The following PHLDB2 variants were observed in gnomAD, a reference collection of about 807,000 sequenced individuals.
PHLDB2 encodes the protein pleckstrin homology like domain family B member 2.
In PHLDB2, 71 loss-of-function variants were observed where a neutral mutation model predicts 123.6. That is an observed-to-expected ratio of 0.57 (90% CI 0.47 to 0.70). The LOEUF is 0.70. Ranked by LOEUF, PHLDB2 falls within the 30% of genes least tolerant of loss-of-function variation. The pLI, the probability that PHLDB2 is intolerant of heterozygous loss-of-function variation, is 0.00. For synonymous variants in PHLDB2, 547 were observed against 541.6 expected (o/e 1.01, Z -0.14); for missense variants, 1,446 against 1,519.5 (o/e 0.95, Z 0.80).
chr3:111,966,469 C>T (rs2071762794), intron 13 of PHLDB2, 144 bp from the exon 14 acceptor site: 3 of 468,346 alleles, frequency 6.4e-6, no homozygotes, highest in Non-Finnish European at 7.6e-6. Context: ...ATTATATATG[C>T]TTGGATTTTG....
At chr3:111,851,216 A>AG (rs2064240496) in intron 2 of PHLDB2, among the ~76,000 whole-genome samples, 1 of 127,136 alleles carries the variant, frequency 7.9e-6, no homozygotes, top group African/African-American at 2.7e-5. Flanking sequence ...AAAAAAAAAA[A>AG]GGTTTTTACT....
intron 1 of PHLDB2, chr3:111,732,736 T>G: frequency 2.7e-6 from 4 of 1,502,218 alleles, no homozygotes; most frequent in Non-Finnish European, 3.6e-6. Context: ...GGCCCTTCTC[T>G]TGTAATAACA....
In PHLDB2 at chr3:111,844,848, G is replaced by C. The variant is rs575384509; in HGVS notation, c.-48-973G>C. Among the ~76,000 whole-genome samples, 4 of 152,292 alleles carry C rather than the reference G, an allele frequency of 2.6e-5. No individual in the cohort carries two copies. In the South Asian group the frequency reaches 8.3e-4, roughly 32 times the overall value. On this transcript the variant is annotated intron_variant, in intron 1 of 17. Transcript: ENST00000393923. ...AAAAATGACAGCACTTAGTCTTAGA[G>C]ACATTGTGAGAATCAAGTGGGACAA...
intron 1 of PHLDB2, among the ~76,000 whole-genome samples, chr3:111,806,392 T>C (rs1243841759): frequency 6.6e-6 from 1 of 152,206 alleles, no homozygotes; most frequent in Non-Finnish European, 1.5e-5. Flanking sequence ...TTCTAGAAAT[T>C]TCATATAAAT....
intron 2 of PHLDB2, among the ~76,000 whole-genome samples, chr3:111,896,501 C>T (rs1329563299): frequency 6.6e-6 from 1 of 152,070 alleles, no homozygotes; most frequent in Non-Finnish European, 1.5e-5. Flanking sequence ...CAGCTGCCAC[C>T]ATACCTGGCT....
chr3:111,860,000 G>C (rs1480349851), intron 1 of PHLDB2: 6 of 659,522 alleles, frequency 9.1e-6, no homozygotes, highest in South Asian at 6.8e-5. Context: ...GGCGAACCCC[G>C]TTGTGCATGA....
chr3:111,920,463 G>C (rs778139801), intron 5 of PHLDB2, 44 bp downstream of exon 5: 6 of 1,595,214 alleles, frequency 3.8e-6, no homozygotes, highest in Non-Finnish European at 8.5e-7. Flanking sequence ...TGGGCAAAGT[G>C]GTGGTCCCAG....
chr3:111,956,498 C>G (rs1176967435), intron 12 of PHLDB2, among the ~76,000 whole-genome samples: 1 of 152,202 alleles, frequency 6.6e-6, no homozygotes, highest in Non-Finnish European at 1.5e-5. Flanking sequence ...TGCTCTTGTT[C>G]TTTATTGATA....
intron 16 of PHLDB2, among the ~76,000 whole-genome samples, chr3:111,972,442 G>A (rs559872430): frequency 6.6e-6 from 1 of 151,950 alleles, no homozygotes; most frequent in Admixed American, 6.6e-5. Context: ...AGTTAAAAAG[G>A]GACATTCACC....
intron 12 of PHLDB2, 36 bp downstream of exon 12, chr3:111,954,065 G>T (rs770803213): frequency 1.7e-5 from 27 of 1,575,920 alleles, no homozygotes; most frequent in Non-Finnish European, 8.7e-7. Context: ...ATGGCCTTTT[G>T]TTAAGCATTA....
At chr3:111,885,517 A>G in intron 2 of PHLDB2, 105 bp downstream of exon 2, 1 of 1,397,066 alleles carries the variant, frequency 7.2e-7, no homozygotes, top group African/African-American at 1.4e-5. Context: ...TAGGATATTC[A>G]TGTTCACTAG....
rs752258063 is a variant in PHLDB2, at chr3:111,913,523, C to G, written c.1540C>G (p.Leu514Val). 1 of 1,614,120 alleles carries G rather than the reference C, an allele frequency of 6.2e-7. No homozygotes were observed. Among genetic ancestry groups the G allele is most frequent in the South Asian group, 1.1e-5 (1 of 91,068 alleles). Residue 514 changes from leucine (L) to valine (V), a missense_variant, in exon 3 of 18, where the codon CTC (leucine) becomes GTC (valine). Leu to Val is a conservative substitution (Grantham distance 32, BLOSUM62 1). This residue lies in a region of PHLDB2 where 832 missense variants were observed against 831.9 expected (regional missense o/e 1.00). Coordinates refer to ENST00000431670, the MANE Select transcript of PHLDB2 (RefSeq NM_001134438.2). ...TRYRCHRKDSLPDADLASCGS... is the reference protein window; with the variant it reads ...TRYRCHRKDSVPDADLASCGS... ...ATACAGGTGCCACCGGAAAGACTCC[C>G]TCCCTGATGCAGACTTGGCAAGCTG...
chr3:111,831,496 G>A (rs1371870181), intron 1 of PHLDB2, among the ~76,000 whole-genome samples: 1 of 152,084 alleles, frequency 6.6e-6, no homozygotes, highest in African/African-American at 2.4e-5. Context: ...AAACCCATCT[G>A]GAGAAGCAAT....
At chr3:111,905,385 G>A (rs146647812) in intron 2 of PHLDB2, among the ~76,000 whole-genome samples, 108 of 152,246 alleles carry the variant, frequency 7.1e-4, no homozygotes, top group African/African-American at 2.4e-3. Context: ...TTGAGACAGT[G>A]TCTCATTGTC....
intron 2 of PHLDB2, chr3:111,885,744 G>A: frequency 1.6e-6 from 1 of 606,314 alleles, no homozygotes; most frequent in South Asian, 2.1e-5. Context: ...AAGACTATGA[G>A]GAAATGCTGA....
Position 111,884,985 on chromosome 3 carries a change from A to T in PHLDB2, c.908A>T (p.Asn303Ile). The T allele has an allele frequency of 6.2e-7, 1 of 1,614,020 alleles. No homozygotes were observed. ...GTAATAGACAATGACAATTACCTTA[A>T]TTTTTCTTCTTTGAGCTCAGGGGCT... Reference protein sequence around the residue: ...HSVIDNDNYLNFSSLSSGALP... With the variant: ...HSVIDNDNYLIFSSLSSGALP... The change falls in exon 2 of 18, where the codon AAT becomes ATT. Residue 303 changes from asparagine to isoleucine, a missense_variant. Around this residue, in one of 3 missense-constraint regions of PHLDB2, gnomAD observed 832 missense variants for 831.9 expected, o/e 1.00. Transcript: ENST00000431670.
At chr3:111,777,463 A>T (rs1261356120) in intron 1 of PHLDB2, among the ~76,000 whole-genome samples, 1 of 152,054 alleles carries the variant, frequency 6.6e-6, no homozygotes, top group Non-Finnish European at 1.5e-5. Context: ...ATTTCTTTTT[A>T]TCTTATTTTC....
chr3:111,769,373 G>T (rs951739613), intron 1 of PHLDB2, among the ~76,000 whole-genome samples: 3 of 152,142 alleles, frequency 2.0e-5, no homozygotes, highest in African/African-American at 7.2e-5. Flanking sequence ...CCAAACCCTT[G>T]CTTGGCAGCT....
At chr3:111,919,341 G>T in intron 4 of PHLDB2, 126 bp downstream of exon 4, 1 of 957,378 alleles carries the variant, frequency 1.0e-6, no homozygotes, top group South Asian at 1.6e-5. Context: ...TTTATTCAGT[G>T]GGTTCCCTGT....
Sources: gnomAD v4.1 joint callset for allele counts (sites outside exome capture counted in the v4.1 genomes callset) on GRCh38, gnomAD v4.1.1 for gene constraint, gnomAD v4.1.1 regional missense constraint, MANE v1.5 for transcripts, NCBI Gene and HGNC (gene_info 2026-07-23, HGNC 2026-07-21) for gene names.